LY96: variants seen among roughly 807,000 people sequenced by gnomAD.
The protein encoded by LY96 is lymphocyte antigen 96.
LY96 carries 18 observed loss-of-function variants against 18.9 expected under a neutral mutation model. That is an observed-to-expected ratio of 0.95 (90% CI 0.66 to 1.41). The LOEUF is 1.41. Among genes scored for constraint, LY96 ranks in the 40% most tolerant of loss-of-function variants. The pLI, the probability that LY96 is intolerant of heterozygous loss-of-function variation, is 0.00. For missense variants in LY96, 175 were observed against 182.4 expected (o/e 0.96, Z 0.23); for synonymous variants, 66 against 62.6 (o/e 1.06, Z -0.26).
At chr8:74,035,872 G>C in the LY96 span, among the ~76,000 whole-genome samples, 1 of 151,986 alleles carries the variant, frequency 6.6e-6, no homozygotes, top group Non-Finnish European at 1.5e-5. Flanking sequence ...AACCTCTTTG[G>C]GTTGTTTTGC....
the LY96 span, among the ~76,000 whole-genome samples, chr8:74,066,900 GT>G: frequency 1.3e-5 from 2 of 152,222 alleles, no homozygotes; most frequent in African/African-American, 4.8e-5. Context: ...TCAGGCAGGG[GT>G]AAGCTTTTAA....
In LY96 at chr8:74,002,093, T is replaced by TTCTTTCTTTCTTTC. The variant is rs1563710943; in HGVS notation, c.113-2700_113-2699insTTCTTTCTTTCTCT. 1.7e-3 allele frequency among the ~76,000 whole-genome samples: 66 copies of TTCTTTCTTTCTTTC among 38,722 alleles called. 9 individuals carry two copies. Among genetic ancestry groups the TTCTTTCTTTCTTTC allele is most frequent in the Middle Eastern group, 0.014 (1 of 74 alleles). The allele number at this position is 38,722 out of a possible 152,430, so 25.4% of individuals were successfully genotyped here. A position where few individuals can be genotyped will look rare whatever the true frequency, so the allele number is the denominator to read the frequency against. On this transcript the variant is annotated intron_variant, in intron 1 of 4. Transcript: ENST00000284818. Reference sequence around the variant, plus strand: ...TTCCTTCCTTTCTTTCTTTCTTTCTTTCTCTCTCTCTCTCTCTCTCTCTCT... The same window carrying TTCTTTCTTTCTTTC: ...TTCCTTCCTTTCTTTCTTTCTTTCTTTCTTTCTTTCTTTCTCTCTCTCTCTCTCTCTCTCTCTCT...
chr8:74,029,153 A>G (rs1215773771), downstream of LY96: 6 of 712,964 alleles, frequency 8.4e-6, no homozygotes, highest in Admixed American at 8.9e-5. Context: ...AGGAAGACAC[A>G]GAAATGACTG....
the LY96 span, among the ~76,000 whole-genome samples, chr8:74,046,608 T>C: frequency 6.6e-6 from 1 of 152,120 alleles, no homozygotes; most frequent in Non-Finnish European, 1.5e-5. Flanking sequence ...TATATGAATA[T>C]TTTCTGATAT....
chr8:74,049,348 A>G, the LY96 span, among the ~76,000 whole-genome samples: 1 of 152,242 alleles, frequency 6.6e-6, no homozygotes, highest in Middle Eastern at 3.2e-3. Context: ...AATTAAAAAG[A>G]AATCACTGCT....
At chr8:73,993,582 A>G (rs1225200640) in intron 1 of LY96, among the ~76,000 whole-genome samples, 1 of 151,982 alleles carries the variant, frequency 6.6e-6, no homozygotes, top group Non-Finnish European at 1.5e-5. Context: ...AGCTGGGATT[A>G]TAGGTGCCCA....
the LY96 span, among the ~76,000 whole-genome samples, chr8:74,068,394 T>G: frequency 6.6e-6 from 1 of 152,182 alleles, no homozygotes; most frequent in Non-Finnish European, 1.5e-5. Flanking sequence ...TTGGATAGTC[T>G]TTGGTTTTAG....
chr8:74,034,996 A>T, the LY96 span, among the ~76,000 whole-genome samples: 3 of 152,242 alleles, frequency 2.0e-5, no homozygotes, highest in Non-Finnish European at 2.9e-5. Context: ...CAGGATAAAG[A>T]TACCTTGTGA....
intron 3 of LY96, among the ~76,000 whole-genome samples, chr8:74,021,881 T>G (rs1816768633): frequency 1.4e-5 from 2 of 147,668 alleles, no homozygotes; most frequent in Admixed American, 1.3e-4. Context: ...TGAGAACACT[T>G]GGACACAGGG....
the LY96 span, among the ~76,000 whole-genome samples, chr8:74,061,077 T>C: frequency 2.0e-4 from 31 of 152,374 alleles, no homozygotes; most frequent in Non-Finnish European, 1.0e-4. Flanking sequence ...TTCCTTGGCA[T>C]GCCAAATCAA....
chr8:74,089,459 C>T, the LY96 span, among the ~76,000 whole-genome samples: 11 of 152,036 alleles, frequency 7.2e-5, no homozygotes, highest in South Asian at 2.1e-4. Flanking sequence ...ATGCATAGGA[C>T]GAGCTCTTCT....
chr8:74,014,964 T>C (rs973657692), intron 3 of LY96, among the ~76,000 whole-genome samples: 1 of 152,152 alleles, frequency 6.6e-6, no homozygotes, highest in Admixed American at 6.6e-5. Context: ...CCCAGCACTT[T>C]GTGAGGCCAA....
intron 1 of LY96, among the ~76,000 whole-genome samples, chr8:73,996,518 A>G (rs1291340419): frequency 6.6e-6 from 1 of 151,340 alleles, no homozygotes; most frequent in African/African-American, 2.4e-5. Flanking sequence ...CCCAGGTTCA[A>G]GCGATTTTCG....
downstream of LY96, among the ~76,000 whole-genome samples, chr8:74,032,865 C>T (rs1816993964): frequency 6.6e-6 from 1 of 152,154 alleles, no homozygotes; most frequent in African/African-American, 2.4e-5. Context: ...CCTGAGGGAA[C>T]AACCAGCCTA....
chr8:74,048,393 C>T, the LY96 span, among the ~76,000 whole-genome samples: 12 of 152,128 alleles, frequency 7.9e-5, no homozygotes, highest in Non-Finnish European at 1.2e-4. Flanking sequence ...TTCTGAGTAG[C>T]TGGGATTACA....
At chr8:74,079,377 G>A in the LY96 span, among the ~76,000 whole-genome samples, 16 of 152,238 alleles carry the variant, frequency 1.1e-4, no homozygotes, top group African/African-American at 3.6e-4. Context: ...ATCTTACTAG[G>A]TCTATTTCTC....
intron 3 of LY96, among the ~76,000 whole-genome samples, chr8:74,012,333 A>C (rs1816548095): frequency 6.6e-6 from 1 of 152,272 alleles, no homozygotes. Flanking sequence ...GTATATTTAC[A>C]CAATGGAATA....
the LY96 span, among the ~76,000 whole-genome samples, chr8:74,081,044 TTC>T: frequency 1.7e-5 from 2 of 119,404 alleles, no homozygotes; most frequent in Admixed American, 7.9e-5. Flanking sequence ...CTTTCTTTCT[TTC>T]TTTTTCTTTC....
chr8:74,054,287 C>T, the LY96 span, among the ~76,000 whole-genome samples: 1 of 151,746 alleles, frequency 6.6e-6, no homozygotes, highest in Non-Finnish European at 1.5e-5. Context: ...TTAAGCCTTC[C>T]AAAGTACTGA....
Sources: gnomAD v4.1 joint callset for allele counts (sites outside exome capture counted in the v4.1 genomes callset) on GRCh38, gnomAD v4.1.1 for gene constraint, MANE v1.5 for transcripts, NCBI Gene and HGNC (gene_info 2026-07-23, HGNC 2026-07-21) for gene names.